The following ST18 variants were observed in gnomAD, a reference collection of about 807,000 sequenced individuals.
The protein encoded by ST18 is ST18 C2H2C-type zinc finger transcription factor.
ST18 carries 50 observed loss-of-function variants against 110.0 expected under a neutral mutation model. The ratio of observed to expected loss-of-function variants is 0.45; its 90% CI spans 0.36 to 0.58. The LOEUF (loss-of-function observed/expected upper bound fraction) is 0.58, where lower values mean the gene tolerates loss of function less well. Ranked by LOEUF, ST18 falls within the 20% of genes least tolerant of loss-of-function variation. The pLI, the probability that ST18 is intolerant of heterozygous loss-of-function variation, is 0.00. For missense variants in ST18, 1,306 were observed against 1,280.1 expected (o/e 1.02, Z -0.31); for synonymous variants, 461 against 452.4 (o/e 1.02, Z -0.24).
At chr8:52,323,339 C>T (rs1224149142) in intron 2 of ST18, among the ~76,000 whole-genome samples, 1 of 152,204 alleles carries the variant, frequency 6.6e-6, no homozygotes, top group Non-Finnish European at 1.5e-5. Flanking sequence ...ATATGTTTAA[C>T]AGCCACCATA....
At chr8:52,371,121 C>A (rs1830128649) in intron 2 of ST18, among the ~76,000 whole-genome samples, 1 of 152,162 alleles carries the variant, frequency 6.6e-6, no homozygotes, top group African/African-American at 2.4e-5. Flanking sequence ...AGGACTTGAA[C>A]CTGTGCAATT....
chr8:52,138,449 G>A (rs1362024161), intron 17 of ST18, among the ~76,000 whole-genome samples: 1 of 152,148 alleles, frequency 6.6e-6, no homozygotes, highest in Non-Finnish European at 1.5e-5. Flanking sequence ...CCTTATGTGT[G>A]TTGTAAAAAT....
intron 2 of ST18, among the ~76,000 whole-genome samples, chr8:52,283,150 T>C (rs552024625): frequency 6.6e-6 from 1 of 151,910 alleles, no homozygotes; most frequent in East Asian, 1.9e-4. Context: ...ATGGAATGGG[T>C]GAGAAAGAGA....
intron 8 of ST18, among the ~76,000 whole-genome samples, chr8:52,183,515 A>G (rs2070738506): frequency 6.6e-6 from 1 of 152,240 alleles, no homozygotes. Context: ...TTTGATAATA[A>G]GAGTATGTGA....
intron 3 of ST18, among the ~76,000 whole-genome samples, chr8:52,225,207 C>A (rs1588868178): frequency 6.6e-6 from 1 of 152,212 alleles, no homozygotes; most frequent in Admixed American, 6.5e-5. Context: ...CTATATTTCT[C>A]TCTGCAAGAT....
At chr8:52,318,697 A>C (rs983716896) in intron 2 of ST18, among the ~76,000 whole-genome samples, 1 of 152,198 alleles carries the variant, frequency 6.6e-6, no homozygotes, top group African/African-American at 2.4e-5. Context: ...AATGTGGTAC[A>C]TATACTGGGT....
chr8:52,271,027 T>A (rs1340021800), intron 2 of ST18, among the ~76,000 whole-genome samples: 1 of 151,846 alleles, frequency 6.6e-6, no homozygotes, highest in Non-Finnish European at 1.5e-5. Context: ...GCCTCCCGAG[T>A]AGCTGGGACT....
At position 52,178,160 on chromosome 8, in the gene ST18, A is replaced by G. The variant is rs141546435; in HGVS notation, c.277+1962T>C. ...AGAAGGTGACAAGTCAGTGAGCCAG[A>G]TATAGTCTGTCTTCACAACACTTAA... On this transcript the variant is annotated intron_variant, in intron 9 of 25. Coordinates refer to ENST00000689386, the MANE Select transcript of ST18 (RefSeq NM_001352837.2). 3.3e-4 allele frequency among the ~76,000 whole-genome samples: 50 copies of G among 152,298 alleles called. No individual in the cohort carries two copies. The East Asian group carries it at 8.7e-3, about 26-fold the overall frequency.
intron 2 of ST18, among the ~76,000 whole-genome samples, chr8:52,352,548 G>A (rs1456271363): frequency 6.6e-6 from 1 of 152,164 alleles, no homozygotes; most frequent in Non-Finnish European, 1.5e-5. Flanking sequence ...AATGGCACCT[G>A]AATGAACCCA....
intron 2 of ST18, among the ~76,000 whole-genome samples, chr8:52,245,071 T>G (rs891962096): frequency 7.9e-5 from 12 of 152,136 alleles, no homozygotes; most frequent in African/African-American, 2.9e-4. Context: ...ATTTTCACCC[T>G]TCAGAATAGC....
At chr8:52,330,277 G>C (rs1016164315) in intron 2 of ST18, among the ~76,000 whole-genome samples, 2 of 152,074 alleles carry the variant, frequency 1.3e-5, no homozygotes, top group African/African-American at 4.8e-5. Context: ...TACACGAGAG[G>C]GTCACTCAGG....
At chr8:52,255,245 T>A (rs1589361056) in intron 2 of ST18, among the ~76,000 whole-genome samples, 1 of 152,144 alleles carries the variant, frequency 6.6e-6, no homozygotes, top group Non-Finnish European at 1.5e-5. Context: ...TGCTCGCAGG[T>A]CTCTGCAGGT....
At chr8:52,273,456 A>G (rs1393856027) in intron 2 of ST18, among the ~76,000 whole-genome samples, 3 of 152,246 alleles carry the variant, frequency 2.0e-5, no homozygotes, top group Non-Finnish European at 4.4e-5. Flanking sequence ...CCATAATAGC[A>G]TAATGAGTTG....
intron 15 of ST18, chr8:52,154,902 A>T (rs916806794): frequency 1.9e-4 from 29 of 151,632 alleles, no homozygotes; most frequent in African/African-American, 6.8e-4. Flanking sequence ...AAGAAAAAAA[A>T]GTTTTAGAAT....
chr8:52,209,443 G>C (rs2081308260), intron 8 of ST18, among the ~76,000 whole-genome samples: 1 of 152,150 alleles, frequency 6.6e-6, no homozygotes, highest in African/African-American at 2.4e-5. Flanking sequence ...GGTTAAGAAA[G>C]CTCAAGAGTG....
intron 18 of ST18, among the ~76,000 whole-genome samples, chr8:52,137,181 C>T (rs1462315263): frequency 4.6e-5 from 7 of 152,108 alleles, no homozygotes; most frequent in South Asian, 2.1e-4. Flanking sequence ...CACACAGAAC[C>T]GAAGCCTGAC....
At chr8:52,123,281 G>A (rs996272593) in intron 23 of ST18, among the ~76,000 whole-genome samples, 1 of 152,118 alleles carries the variant, frequency 6.6e-6, no homozygotes, top group Admixed American at 6.5e-5. Flanking sequence ...TTTGTACGTA[G>A]TTTAAATTAA....
At chr8:52,238,395 A>G (rs1264008799) in intron 2 of ST18, among the ~76,000 whole-genome samples, 3 of 152,228 alleles carry the variant, frequency 2.0e-5, no homozygotes, top group Non-Finnish European at 4.4e-5. Context: ...GGAATGAAGT[A>G]TTAAATTAGT....
In ST18 at chr8:52,166,990, T is replaced by C. The variant is rs187058139; in HGVS notation, c.1070-4A>G. On this transcript the variant is annotated splice_polypyrimidine_tract_variant and splice_region_variant and intron_variant, in intron 10 of 25. Transcript: ENST00000689386. ...CTCTTTTCAGGCCTTGGTGAATCTA[T>C]GGAGAAATTCAATTGAGAAATGCAT... 13 of 1,602,636 alleles carry C rather than the reference T, an allele frequency of 8.1e-6. No homozygotes were observed. Among genetic ancestry groups the C allele is most frequent in the Admixed American group, 1.7e-5 (1 of 58,836 alleles).
Sources: allele counts gnomAD v4.1 joint callset (sites outside exome capture counted in the v4.1 genomes callset), GRCh38; gene constraint gnomAD v4.1.1; transcripts MANE v1.5; gene names NCBI Gene and HGNC (gene_info 2026-07-23, HGNC 2026-07-21).